ATP6V1H: variants seen among roughly 807,000 people sequenced by gnomAD.
ATP6V1H encodes the protein V-type proton ATPase subunit H.
Under a neutral mutation model 71.7 loss-of-function variants are expected in ATP6V1H, and 39 were observed. That is an observed-to-expected ratio of 0.54 (90% CI 0.42 to 0.71). The LOEUF (loss-of-function observed/expected upper bound fraction) is 0.71, where lower values mean the gene tolerates loss of function less well. Ranked by LOEUF, ATP6V1H falls within the 30% of genes least tolerant of loss-of-function variation. The probability of loss-of-function intolerance (pLI) is 0.00; values close to 1 mark genes in which losing one functional copy is unlikely to be tolerated. For synonymous variants in ATP6V1H, 192 were observed against 199.3 expected (o/e 0.96, Z 0.31); for missense variants, 509 against 594.9 (o/e 0.86, Z 1.50).
At position 53,823,493 on chromosome 8, in the gene ATP6V1H, G is replaced by A. The variant is rs145821280; in HGVS notation, c.306+5951C>T. 2.3e-3 allele frequency among the ~76,000 whole-genome samples: 347 copies of A among 152,114 alleles called. 2 individuals are homozygous for A. Among genetic ancestry groups the A allele is most frequent in the African/African-American group, 7.9e-3 (327 of 41,520 alleles). The stretch of plus-strand genomic sequence containing the variant: ...TTAAATACTTAATTTTTGGGGGGGC[G>A]GGGGAGATAGTTTCACTCTTTCTGC... On this transcript the variant is annotated intron_variant, in intron 4 of 13. Coordinates refer to ENST00000359530, the MANE Select transcript of ATP6V1H (RefSeq NM_015941.4).
chr8:53,788,688 C>T (rs1809461744), intron 9 of ATP6V1H, among the ~76,000 whole-genome samples: 1 of 152,190 alleles, frequency 6.6e-6, no homozygotes. Flanking sequence ...GTTCAAGCCA[C>T]TCTCCCAACA....
chr8:53,815,719 C>T (rs1810427640), intron 5 of ATP6V1H, among the ~76,000 whole-genome samples: 29 of 152,192 alleles, frequency 1.9e-4, no homozygotes, highest in Admixed American at 1.9e-3. Context: ...ACTCATCTTA[C>T]TGTCACAAAA....
chr8:53,802,890 TC>T (rs747679124), intron 7 of ATP6V1H, among the ~76,000 whole-genome samples: 3 of 152,232 alleles, frequency 2.0e-5, no homozygotes, highest in Non-Finnish European at 4.4e-5. Context: ...AATAACATTG[TC>T]CCTTAGAAAT....
intron 13 of ATP6V1H, among the ~76,000 whole-genome samples, chr8:53,737,228 G>A (rs1168233808): frequency 6.6e-6 from 1 of 152,200 alleles, no homozygotes; most frequent in Non-Finnish European, 1.5e-5. Flanking sequence ...GTCCTGCTAT[G>A]ACAGTGCACT....
At chr8:53,744,921 T>C (rs1369143503) in intron 12 of ATP6V1H, among the ~76,000 whole-genome samples, 3 of 152,172 alleles carry the variant, frequency 2.0e-5, no homozygotes, top group Non-Finnish European at 4.4e-5. Flanking sequence ...ACAGCGTTGC[T>C]GTGATGATTA....
chr8:53,774,800 C>T (rs914718444), intron 9 of ATP6V1H, among the ~76,000 whole-genome samples: 1 of 152,116 alleles, frequency 6.6e-6, no homozygotes, highest in Non-Finnish European at 1.5e-5. Context: ...TAAAACTCAG[C>T]CGGAAACCAC....
chr8:53,818,549 A>G (rs536171473), intron 4 of ATP6V1H, among the ~76,000 whole-genome samples: 7 of 152,300 alleles, frequency 4.6e-5, no homozygotes, highest in African/African-American at 1.7e-4. Context: ...AGTTGTGATA[A>G]TGATTTTATC....
At chr8:53,802,560 A>G (rs1809948095) in intron 7 of ATP6V1H, among the ~76,000 whole-genome samples, 1 of 152,026 alleles carries the variant, frequency 6.6e-6, no homozygotes, top group Non-Finnish European at 1.5e-5. Flanking sequence ...ATCTACTAAA[A>G]ATACAAAAAA....
chr8:53,813,644 C>T (rs1810355678), intron 6 of ATP6V1H, among the ~76,000 whole-genome samples: 1 of 152,138 alleles, frequency 6.6e-6, no homozygotes, highest in African/African-American at 2.4e-5. Flanking sequence ...ACCTACACTT[C>T]AACCCTGTAA....
At chr8:53,729,291 A>G (rs1163265905) in intron 13 of ATP6V1H, among the ~76,000 whole-genome samples, 1 of 152,226 alleles carries the variant, frequency 6.6e-6, no homozygotes, top group Non-Finnish European at 1.5e-5. Context: ...AGAAGAAAAT[A>G]TGAAACAGGT....
rs1235201175 is a variant in ATP6V1H at position 53,801,887 on chromosome 8, A to G, written c.589T>C (p.Tyr197His). 6.2e-7 allele frequency: 1 copy of G among 1,613,606 alleles called. No homozygotes were observed. Among genetic ancestry groups the G allele is most frequent in the Admixed American group, 1.7e-5 (1 of 59,930 alleles). ...AAACACCCGGCCACGCACTGCACAT[A>G]CTGCGAACTCTGCACAAGAAGAAGT... ...GTVSSSDSSQ[Y>H]VQCVAGCLQL... Residue 197 changes from tyrosine to histidine, a missense_variant, in exon 8 of 14, where the codon TAT becomes CAT. Tyr to His is a moderately conservative substitution (Grantham distance 83). Coordinates refer to ENST00000359530, the MANE Select transcript of ATP6V1H (RefSeq NM_015941.4).
intron 10 of ATP6V1H, among the ~76,000 whole-genome samples, chr8:53,770,521 T>C (rs976918933): frequency 1.3e-5 from 2 of 152,180 alleles, no homozygotes; most frequent in Non-Finnish European, 2.9e-5. Flanking sequence ...ATGTACTAGA[T>C]AAGTTGATCA....
At chr8:53,797,402 C>A (rs1002275958) in intron 8 of ATP6V1H, among the ~76,000 whole-genome samples, 1 of 152,322 alleles carries the variant, frequency 6.6e-6, no homozygotes, top group East Asian at 1.9e-4. Context: ...GCAGAACAAG[C>A]CTCATCACAT....
chr8:53,753,277 T>A (rs1807866125), intron 12 of ATP6V1H, among the ~76,000 whole-genome samples: 1 of 152,180 alleles, frequency 6.6e-6, no homozygotes, highest in South Asian at 2.1e-4. Flanking sequence ...TAGAAAAGAA[T>A]TAGCATGGCC....
At chr8:53,726,154 T>C (rs1355475693) in intron 13 of ATP6V1H, among the ~76,000 whole-genome samples, 1 of 152,210 alleles carries the variant, frequency 6.6e-6, no homozygotes, top group Non-Finnish European at 1.5e-5. Flanking sequence ...AAGAACACTT[T>C]CAACAACAGT....
In ATP6V1H at chr8:53,792,619, G is replaced by C. The variant is rs569950559; in HGVS notation, c.870+3028C>G. On this transcript the variant is annotated intron_variant, in intron 9 of 13. Transcript: ENST00000359530. ...AAATGCATCGAGACAAGAAAAAAAG[G>C]AGATAGCAGGGTGGTTAAGAGGACA... Among the ~76,000 whole-genome samples, 10 of 152,282 alleles carry C rather than the reference G, an allele frequency of 6.6e-5. No homozygotes were observed. In the South Asian group the frequency reaches 2.1e-3, roughly 32 times the overall value.
chr8:53,728,154 T>G (rs1316230847), intron 13 of ATP6V1H, among the ~76,000 whole-genome samples: 1 of 152,184 alleles, frequency 6.6e-6, no homozygotes, highest in Non-Finnish European at 1.5e-5. Context: ...TTCAGTCCTC[T>G]AATTGCTTCC....
At chr8:53,773,528 G>T (rs1163459751) in intron 9 of ATP6V1H, among the ~76,000 whole-genome samples, 1 of 152,188 alleles carries the variant, frequency 6.6e-6, no homozygotes, top group Non-Finnish European at 1.5e-5. Flanking sequence ...TCCTGTCACT[G>T]CAATTTTTAT....
chr8:53,772,903 C>CAAAAAAAAAAA (rs201949406), intron 9 of ATP6V1H, among the ~76,000 whole-genome samples: 134 of 58,890 alleles, frequency 2.3e-3, no homozygotes, highest in Non-Finnish European at 3.0e-3. Context: ...CTATCAAATG[C>CAAAAAAAAAAA]AAAAAAAAAA....
Sources: gnomAD v4.1 joint callset for allele counts (sites outside exome capture counted in the v4.1 genomes callset) on GRCh38, gnomAD v4.1.1 for gene constraint, MANE v1.5 for transcripts, NCBI Gene and HGNC (gene_info 2026-07-23, HGNC 2026-07-21) for gene names.